Variants in DLGAP2 observed in about 807,000 individuals in gnomAD.
The protein encoded by DLGAP2 is DLG associated protein 2.
A neutral mutation model predicts 100.3 loss-of-function variants in DLGAP2; 26 were observed. The ratio of observed to expected loss-of-function variants is 0.26; its 90% CI spans 0.19 to 0.36. The LOEUF (loss-of-function observed/expected upper bound fraction) is 0.36. Among genes scored for constraint, DLGAP2 ranks in the 10% least tolerant of loss-of-function variants. The probability of loss-of-function intolerance (pLI) is 1.00; values close to 1 mark genes in which losing one functional copy is unlikely to be tolerated. For missense variants in DLGAP2, 1,858 were observed against 1,453.2 expected (o/e 1.28, Z -4.53); for synonymous variants, 886 against 630.1 (o/e 1.41, Z -6.08).
intron 4 of DLGAP2, among the ~76,000 whole-genome samples, chr8:1,516,646 AGTGACTGAGTGAATGAGTGG>A (rs1277965855): frequency 2.0e-5 from 3 of 147,130 alleles, no homozygotes; most frequent in African/African-American, 7.5e-5. Context: ...TGAGTGAGTG[AGTGACTGAGTGAATGAGTGG>A]GTGACTGAGT....
At chr8:1,098,551 C>T (rs1031606960) in intron 2 of DLGAP2, among the ~76,000 whole-genome samples, 1 of 151,850 alleles carries the variant, frequency 6.6e-6, no homozygotes, top group Non-Finnish European at 1.5e-5. Flanking sequence ...GCGGGCTGGC[C>T]CCACCCTGCG....
intron 1 of DLGAP2, among the ~76,000 whole-genome samples, chr8:813,538 C>G (rs1178529089): frequency 6.6e-6 from 1 of 152,096 alleles, no homozygotes; most frequent in Admixed American, 6.6e-5. Context: ...TTCTTCAAAC[C>G]TATTCTTTTA....
At chr8:1,502,503 C>A (rs1179577772) in intron 4 of DLGAP2, among the ~76,000 whole-genome samples, 2 of 152,188 alleles carry the variant, frequency 1.3e-5, no homozygotes, top group African/African-American at 4.8e-5. Context: ...CGTCCATTAT[C>A]CACTGCAACT....
At chr8:926,470 C>G (rs931652718) in intron 2 of DLGAP2, among the ~76,000 whole-genome samples, 3 of 152,200 alleles carry the variant, frequency 2.0e-5, no homozygotes, top group African/African-American at 7.2e-5. Flanking sequence ...TAATTTCTGT[C>G]TCTGTGTCTC....
At chr8:1,382,082 G>T (rs545063984) in intron 3 of DLGAP2, among the ~76,000 whole-genome samples, 1 of 152,210 alleles carries the variant, frequency 6.6e-6, no homozygotes, top group Admixed American at 6.5e-5. Flanking sequence ...TATAACTTTT[G>T]ACTCCCCCAG....
chr8:760,302 C>A (rs1342223160), intron 1 of DLGAP2, among the ~76,000 whole-genome samples: 1 of 152,310 alleles, frequency 6.6e-6, no homozygotes, highest in East Asian at 1.9e-4. Flanking sequence ...CTGTGACCTT[C>A]AGAATCAACT....
At chr8:1,676,715 G>C in intron 11 of DLGAP2, 97 bp downstream of exon 11, 1 of 1,231,524 alleles carries the variant, frequency 8.1e-7, no homozygotes, top group Non-Finnish European at 1.2e-6. Flanking sequence ...CCTCAATCAT[G>C]CCTGTCCTTG....
At chr8:904,486 C>G (rs1333221179) in intron 1 of DLGAP2, among the ~76,000 whole-genome samples, 3 of 152,222 alleles carry the variant, frequency 2.0e-5, no homozygotes, top group East Asian at 1.9e-4. Context: ...CACCACTGCA[C>G]TCCAGCCTGG....
At chr8:1,468,874 C>T (rs1163425815) in intron 3 of DLGAP2, among the ~76,000 whole-genome samples, 1 of 152,158 alleles carries the variant, frequency 6.6e-6, no homozygotes, top group Non-Finnish European at 1.5e-5. Context: ...CTGCCCGGCC[C>T]AGACTCTCTT....
In DLGAP2 at chr8:774,823, G is replaced by A. The variant is rs1236597197; in HGVS notation, c.18+36998G>A. On this transcript the variant is annotated intron_variant, in intron 1 of 14. Transcript: ENST00000637795. ...GTTCTTTTGGCTTAGGATTGACTTG[G>A]CGATGCGGGCTCTTTTTTGGTTCCA... Among the ~76,000 whole-genome samples, 5 of 146,376 alleles carry A rather than the reference G, an allele frequency of 3.4e-5. No homozygotes were observed. The South Asian group carries it at 1.1e-3, about 34-fold the overall frequency.
At chr8:1,455,240 G>T (rs1014376102) in intron 3 of DLGAP2, among the ~76,000 whole-genome samples, 4 of 152,262 alleles carry the variant, frequency 2.6e-5, no homozygotes, top group African/African-American at 7.2e-5. Context: ...GCCCAGTCAG[G>T]TGCAGGTGCA....
intron 3 of DLGAP2, among the ~76,000 whole-genome samples, chr8:1,311,047 G>C (rs1010502280): frequency 7.0e-6 from 1 of 143,212 alleles, no homozygotes; most frequent in African/African-American, 2.6e-5. Context: ...CACTGACAAA[G>C]AAAAAAAAAA....
At chr8:877,505 C>T (rs374700902) in intron 1 of DLGAP2, among the ~76,000 whole-genome samples, 15 of 152,334 alleles carry the variant, frequency 9.8e-5, no homozygotes, top group Admixed American at 4.6e-4. Flanking sequence ...AGCTATTAAA[C>T]GCCACTAATT....
chr8:850,441 G>A (rs896110169), intron 1 of DLGAP2, among the ~76,000 whole-genome samples: 2 of 151,982 alleles, frequency 1.3e-5, no homozygotes, highest in Non-Finnish European at 2.9e-5. Flanking sequence ...CATCAAATTT[G>A]CTTTTAAGTG....
chr8:928,406 C>T (rs989250475), intron 2 of DLGAP2, among the ~76,000 whole-genome samples: 2 of 152,036 alleles, frequency 1.3e-5, no homozygotes, highest in Non-Finnish European at 1.5e-5. Flanking sequence ...GTGTCCTGGA[C>T]GTGGATTTAC....
intron 2 of DLGAP2, among the ~76,000 whole-genome samples, chr8:1,152,343 G>A (rs755398352): frequency 7.9e-5 from 12 of 152,076 alleles, no homozygotes; most frequent in South Asian, 2.1e-4. Flanking sequence ...TAAATTTCCC[G>A]CTAGAACTAC....
intron 6 of DLGAP2, among the ~76,000 whole-genome samples, chr8:1,600,389 T>A (rs1016711820): frequency 7.2e-5 from 11 of 152,224 alleles, no homozygotes; most frequent in African/African-American, 2.7e-4. Context: ...TGTGGTGTTC[T>A]CTGTATTTCC....
intron 2 of DLGAP2, among the ~76,000 whole-genome samples, chr8:1,236,958 T>TTA (rs1554508294): frequency 1.4e-5 from 2 of 143,440 alleles, no homozygotes; most frequent in African/African-American, 2.6e-5. Flanking sequence ...CCGTGTCTAG[T>TTA]TCTCTCACAT....
rs146009189 is a variant in DLGAP2 at position 849,225 on chromosome 8, T to C, written c.19-58687T>C. Among the ~76,000 whole-genome samples the C allele has an allele frequency of 3.2e-4, 48 of 151,728 alleles. No individual in the cohort carries two copies. The South Asian group carries it at 6.1e-3, about 19-fold the overall frequency. On this transcript the variant is annotated intron_variant, in intron 1 of 14. Coordinates refer to ENST00000637795, the MANE Select transcript of DLGAP2 (RefSeq NM_001346810.2). Reference sequence around the variant, plus strand: ...TGTTCCAGTATAGGAACACGTGGTGTGTGTTCCAGCATAGGATCGCGTGGT... The same window carrying C: ...TGTTCCAGTATAGGAACACGTGGTGCGTGTTCCAGCATAGGATCGCGTGGT...
Sources: gnomAD v4.1 joint callset for allele counts (sites outside exome capture counted in the v4.1 genomes callset) on GRCh38, gnomAD v4.1.1 for gene constraint, MANE v1.5 for transcripts, NCBI Gene and HGNC (gene_info 2026-07-23, HGNC 2026-07-21) for gene names.